The following BAALC variants were observed in gnomAD, a reference collection of about 807,000 sequenced individuals.
BAALC encodes BAALC binder of MAP3K1 and KLF4.
Under a neutral mutation model 15.5 loss-of-function variants are expected in BAALC, and 9 were observed. The ratio of observed to expected loss-of-function variants is 0.58; its 90% CI spans 0.35 to 1.02. The LOEUF is 1.02. Among genes scored for constraint, BAALC ranks in the 50% least tolerant of loss-of-function variants. The pLI, the probability that BAALC is intolerant of heterozygous loss-of-function variation, is 0.02. For missense variants in BAALC, 201 were observed against 192.4 expected (o/e 1.04, Z -0.27); for synonymous variants, 80 against 74.6 (o/e 1.07, Z -0.37).
chr8:103,204,485 C>T (rs898166819), intron 1 of BAALC, among the ~76,000 whole-genome samples: 29 of 152,230 alleles, frequency 1.9e-4, no homozygotes, highest in African/African-American at 6.5e-4. Context: ...TTCTAAGAAA[C>T]AATTGGATAA....
intron 1 of BAALC, chr8:103,191,305 C>T (rs1465579778): frequency 6.6e-6 from 1 of 152,020 alleles, no homozygotes; most frequent in Non-Finnish European, 1.5e-5. Flanking sequence ...GATGCATGAG[C>T]TGCGTGTTCT....
At chr8:103,205,518 C>T (rs538923395) in intron 1 of BAALC, among the ~76,000 whole-genome samples, 1 of 152,188 alleles carries the variant, frequency 6.6e-6, no homozygotes, top group South Asian at 2.1e-4. Context: ...GAGTGTTGAT[C>T]TCTATGTCAG....
At chr8:103,145,302 C>T (rs775540437) in intron 1 of BAALC, among the ~76,000 whole-genome samples, 113 of 152,222 alleles carry the variant, frequency 7.4e-4, no homozygotes, top group Non-Finnish European at 1.3e-3. Flanking sequence ...ACTCCAGACC[C>T]ATGTGATCAA....
chr8:103,143,759 T>C (rs1194851012), intron 1 of BAALC, among the ~76,000 whole-genome samples: 1 of 152,246 alleles, frequency 6.6e-6, no homozygotes, highest in African/African-American at 2.4e-5. Flanking sequence ...TTGCATCTTC[T>C]GTGCTGAACA....
At chr8:103,208,025 C>T (rs927517034) in intron 1 of BAALC, among the ~76,000 whole-genome samples, 2 of 152,198 alleles carry the variant, frequency 1.3e-5, no homozygotes, top group Non-Finnish European at 2.9e-5. Flanking sequence ...AAATGCCAAT[C>T]CCCCAAGCTG....
intron 2 of BAALC, among the ~76,000 whole-genome samples, chr8:103,220,597 GA>G (rs1003218312): frequency 6.6e-6 from 1 of 152,048 alleles, no homozygotes; most frequent in African/African-American, 2.4e-5. Context: ...ATATGAGGAG[GA>G]AGCAAAAAAG....
intron 1 of BAALC, among the ~76,000 whole-genome samples, chr8:103,158,172 C>T (rs1477429165): frequency 6.6e-6 from 1 of 152,100 alleles, no homozygotes; most frequent in African/African-American, 2.4e-5. Context: ...GTTGAAGAAA[C>T]TGGTTGTTTT....
intron 1 of BAALC, among the ~76,000 whole-genome samples, chr8:103,172,527 G>A (rs10111507): frequency 0.092 from 13,971 of 151,076 alleles, 844 homozygotes; most frequent in Non-Finnish European, 0.14. Flanking sequence ...TCAGCCTCCC[G>A]AGTAGCTGGG....
At position 103,141,007 on chromosome 8, in the gene BAALC, C is replaced by G. The variant is rs754989716; in HGVS notation, c.110C>G (p.Pro37Arg). Residue 37 changes from proline to arginine, a missense_variant, in exon 1 of 3, where the codon CCC (proline) becomes CGC (arginine). By Grantham distance (103) the Pro-to-Arg change is moderately radical. Coordinates refer to ENST00000309982, the MANE Select transcript of BAALC (RefSeq NM_024812.3). ...WLTYTDSDAP[P>R]SAAAPDSGPE... Reference sequence around the variant, plus strand: ...ACCTACACCGACTCGGACGCGCCGCCCAGCGCCGCCGCCCCGGACAGCGGC... The same window carrying G: ...ACCTACACCGACTCGGACGCGCCGCGCAGCGCCGCCGCCCCGGACAGCGGC... 3.3e-6 allele frequency: 5 copies of G among 1,524,454 alleles called. No homozygotes were observed. The highest frequency in any genetic ancestry group is 4.1e-5 in the Admixed American group (2 of 48,282). The allele number at this position is 1,524,454 out of a possible 1,614,324, so 94.4% of individuals were successfully genotyped here.
intron 1 of BAALC, chr8:103,200,842 C>T (rs1054148141): frequency 8.6e-6 from 5 of 581,706 alleles, no homozygotes; most frequent in Non-Finnish European, 1.3e-5. Flanking sequence ...ATGGCAATTG[C>T]TTCCTAAAGG....
Position 103,208,766 on chromosome 8 carries a change from C to T in BAALC, c.161-4153C>T, listed in dbSNP as rs563934232. Among the ~76,000 whole-genome samples, 416 of 152,302 alleles carry T rather than the reference C, an allele frequency of 2.7e-3. 3 individuals carry two copies. Among genetic ancestry groups the T allele is most frequent in the African/African-American group, 9.5e-3 (393 of 41,560 alleles). ...CCTCCCTGGGATATATTCCCTGCTG[C>T]CTGCTCTTGATCCTGGTGCGTAAGG... is the stretch of plus-strand genomic sequence containing the variant. On this transcript the variant is annotated intron_variant, in intron 1 of 2. Coordinates refer to ENST00000309982, the MANE Select transcript of BAALC (RefSeq NM_024812.3).
intron 1 of BAALC, among the ~76,000 whole-genome samples, chr8:103,152,682 G>A (rs1811011609): frequency 6.6e-6 from 1 of 152,196 alleles, no homozygotes; most frequent in Admixed American, 6.5e-5. Context: ...ACCAGTTAGG[G>A]ATTGCATCTG....
intron 1 of BAALC, among the ~76,000 whole-genome samples, chr8:103,160,530 T>G (rs937201477): frequency 6.6e-6 from 1 of 152,200 alleles, no homozygotes; most frequent in Non-Finnish European, 1.5e-5. Flanking sequence ...TATATCCCAA[T>G]AGGGACATAC....
intron 1 of BAALC, among the ~76,000 whole-genome samples, chr8:103,204,488 T>G (rs1420803778): frequency 1.3e-5 from 2 of 152,218 alleles, no homozygotes; most frequent in Admixed American, 6.5e-5. Context: ...TAAGAAACAA[T>G]TGGATAATCC....
Position 103,228,057 on chromosome 8 carries a change from G to A in BAALC, c.396G>A (p.Gln132=), listed in dbSNP as rs1812844869. 1.2e-6 allele frequency: 2 copies of A among 1,613,608 alleles called. No individual in the cohort carries two copies. Among genetic ancestry groups the A allele is most frequent in the Non-Finnish European group, 8.5e-7 (1 of 1,179,808 alleles). ...VTINVTDSIQ[Q]MDRSRRITKN... is the part of the protein sequence containing the mutation. ...TTAATGTAACAGATAGCATCCAACA[G>A]ATGGACAGAAGTCGAAGAATCACAA... Residue 132 remains glutamine (Q), a synonymous_variant, in exon 3 of 3, where the codon CAG becomes CAA. Coordinates refer to ENST00000309982, the MANE Select transcript of BAALC (RefSeq NM_024812.3).
chr8:103,159,054 AAATT>A (rs889792896), intron 1 of BAALC, among the ~76,000 whole-genome samples: 2 of 152,192 alleles, frequency 1.3e-5, no homozygotes, highest in Non-Finnish European at 2.9e-5. Flanking sequence ...GTCAATTTAA[AAATT>A]AATTAATTAA....
intron 1 of BAALC, among the ~76,000 whole-genome samples, chr8:103,181,652 T>C (rs1349873717): frequency 1.3e-5 from 2 of 152,190 alleles, no homozygotes; most frequent in African/African-American, 2.4e-5. Flanking sequence ...TTAGTGTACA[T>C]TGATTTCCTC....
At chr8:103,192,833 G>C (rs1191241366) in intron 1 of BAALC, among the ~76,000 whole-genome samples, 1 of 152,128 alleles carries the variant, frequency 6.6e-6, no homozygotes, top group African/African-American at 2.4e-5. Context: ...GGCCATGCAG[G>C]ACTTGGCCTG....
chr8:103,160,783 C>G (rs191172860), intron 1 of BAALC, among the ~76,000 whole-genome samples: 3,115 of 152,070 alleles, frequency 0.02, 119 homozygotes, highest in African/African-American at 0.072. Context: ...CAGGAAGCAC[C>G]CAGCACGGGA....
Sources: allele counts gnomAD v4.1 joint callset (sites outside exome capture counted in the v4.1 genomes callset), GRCh38; gene constraint gnomAD v4.1.1; transcripts MANE v1.5; gene names NCBI Gene and HGNC (gene_info 2026-07-23, HGNC 2026-07-21).